The following ACSBG1 variants were observed in gnomAD, a reference collection of about 807,000 sequenced individuals.
ACSBG1 encodes the protein long-chain-fatty-acid--CoA ligase ACSBG1.
A neutral mutation model predicts 80.2 loss-of-function variants in ACSBG1; 39 were observed. The ratio of observed to expected loss-of-function variants is 0.49; its 90% CI spans 0.38 to 0.64. The LOEUF (loss-of-function observed/expected upper bound fraction) is 0.64. Ranked by LOEUF, ACSBG1 falls within the 30% of genes least tolerant of loss-of-function variation. ACSBG1 has a pLI of 0.00. For missense variants in ACSBG1, 828 were observed against 966.4 expected (o/e 0.86, Z 1.90); for synonymous variants, 392 against 379.5 (o/e 1.03, Z -0.38).
chr15:78,171,119 G>A lies in ACSBG1; in HGVS notation c.*325C>T. On this transcript the variant is annotated 3_prime_UTR_variant, in exon 14 of 14. Transcript: ENST00000258873. The stretch of plus-strand genomic sequence containing the variant: ...GCCTACTGCTGGCTGTCCTGTATGT[G>A]AGCTAGCAGCTTTTTAATCTACCTG... The A allele has an allele frequency of 4.8e-6, 1 of 210,264 alleles. No individual in the cohort carries two copies. Among genetic ancestry groups the A allele is most frequent in the Non-Finnish European group, 9.7e-6 (1 of 103,530 alleles). The allele number at this position is 210,264 out of a possible 1,614,324, so 13.0% of individuals were successfully genotyped here.
intron 3 of ACSBG1, 143 bp from the exon 4 acceptor site, chr15:78,194,163 G>A (rs1266930096): frequency 2.5e-6 from 2 of 799,238 alleles, no homozygotes; most frequent in African/African-American, 3.4e-5. Flanking sequence ...CCCCTTGGAG[G>A]AGAAGGGGTT....
rs146137758 is a variant in ACSBG1 at position 78,186,227 on chromosome 15, T to C, written c.664-3442A>G. ...GGCTTAGACTCCCACACAATAATAA[T>C]GGGAGACTTTAACACCCCATTGTCA... is the stretch of plus-strand genomic sequence containing the variant. On this transcript the variant is annotated intron_variant, in intron 5 of 13. Coordinates refer to ENST00000258873, the MANE Select transcript of ACSBG1 (RefSeq NM_015162.5). 1.4e-4 allele frequency among the ~76,000 whole-genome samples: 22 copies of C among 152,308 alleles called. 1 individual carries two copies. The East Asian group carries it at 3.5e-3, about 24-fold the overall frequency.
chr15:78,220,878 T>C (rs2075354510), intron 1 of ACSBG1, among the ~76,000 whole-genome samples: 1 of 152,214 alleles, frequency 6.6e-6, no homozygotes. Context: ...TGCAGATACT[T>C]TGGAATACCA....
At chr15:78,223,471 G>T (rs1595905195) in intron 1 of ACSBG1, among the ~76,000 whole-genome samples, 1 of 152,132 alleles carries the variant, frequency 6.6e-6, no homozygotes, top group East Asian at 1.9e-4. Flanking sequence ...AGACACGAAG[G>T]GCCCAGCTAT....
chr15:78,191,345 A>G (rs2075055326), intron 5 of ACSBG1, among the ~76,000 whole-genome samples: 1 of 152,266 alleles, frequency 6.6e-6, no homozygotes, highest in South Asian at 2.1e-4. Flanking sequence ...AGTATTTGAT[A>G]GAGCAAGAAG....
intron 1 of ACSBG1, among the ~76,000 whole-genome samples, chr15:78,232,139 T>G (rs2075451741): frequency 6.6e-6 from 1 of 152,246 alleles, no homozygotes; most frequent in Non-Finnish European, 1.5e-5. Flanking sequence ...GTAACTCTTA[T>G]GCTTTGAAAA....
chr15:78,215,774 GAAAGAA>G (rs2075306703), intron 1 of ACSBG1, among the ~76,000 whole-genome samples: 1 of 146,504 alleles, frequency 6.8e-6, no homozygotes, highest in Non-Finnish European at 1.5e-5. Flanking sequence ...AAGAAAGAAA[GAAAGAA>G]AGAAAGAGAA....
At chr15:78,194,864 T>G (rs1056938907) in intron 2 of ACSBG1, 138 bp from the exon 3 acceptor site, 5 of 740,950 alleles carry the variant, frequency 6.7e-6, no homozygotes, top group Non-Finnish European at 1.1e-5. Flanking sequence ...CAGGGTAGAC[T>G]GGGGTAGACT....
In ACSBG1 at chr15:78,171,388, A is replaced by G. The variant is rs1412078875; in HGVS notation, c.*56T>C. On this transcript the variant is annotated 3_prime_UTR_variant, in exon 14 of 14. Coordinates refer to ENST00000258873, the MANE Select transcript of ACSBG1 (RefSeq NM_015162.5). The stretch of plus-strand genomic sequence containing the variant: ...AGACTGAAGAGACCTGGGGCTCAGG[A>G]AGAGGCTCGGAACGCCTGCCCTCTA... 6.8e-7 allele frequency: 1 copy of G among 1,467,156 alleles called. No individual in the cohort carries two copies. Among genetic ancestry groups the G allele is most frequent in the Non-Finnish European group, 9.5e-7 (1 of 1,052,512 alleles). The allele number at this position is 1,467,156 out of a possible 1,614,324, so 90.9% of individuals were successfully genotyped here.
intron 1 of ACSBG1, among the ~76,000 whole-genome samples, chr15:78,218,318 T>A (rs1165634520): frequency 3.3e-5 from 5 of 152,018 alleles, no homozygotes; most frequent in Non-Finnish European, 7.4e-5. Flanking sequence ...CTTCTGCCAG[T>A]GGAGGCATTG....
chr15:78,185,004 CAGAG>C (rs2074984401), intron 5 of ACSBG1, among the ~76,000 whole-genome samples: 1 of 141,580 alleles, frequency 7.1e-6, no homozygotes, highest in Admixed American at 7.4e-5. Context: ...GAGAGACAGA[CAGAG>C]GGAGAGAGAG....
Position 78,182,436 on chromosome 15 carries a change from C to A in ACSBG1, c.894+30G>T, listed in dbSNP as rs541886543. On this transcript the variant is annotated intron_variant, in intron 7 of 13. Coordinates refer to ENST00000258873, the MANE Select transcript of ACSBG1 (RefSeq NM_015162.5). ...AGATCCACCCATAACCCCCTTGCAC[C>A]CCCCCCACCCCACCGGGCATCTGTC... is the stretch of plus-strand genomic sequence containing the variant. The A allele has an allele frequency of 2.6e-6, 4 of 1,519,270 alleles. No homozygotes were observed. In the Admixed American group the frequency reaches 5.7e-5, roughly 22 times the overall value. 94.1% of individuals were successfully genotyped at this position (1,519,270 alleles called of 1,614,324 possible). A position where few individuals can be genotyped will look rare whatever the true frequency, so the allele number is the denominator to read the frequency against.
chr15:78,203,769 T>A (rs983895220), intron 2 of ACSBG1, among the ~76,000 whole-genome samples: 2 of 152,160 alleles, frequency 1.3e-5, no homozygotes, highest in African/African-American at 4.8e-5. Context: ...GAAAGTAGCT[T>A]CTTGTGCAGA....
chr15:78,193,791 T>C (rs2075081729), intron 4 of ACSBG1, 141 bp downstream of exon 4: 1 of 1,419,124 alleles, frequency 7.0e-7, no homozygotes, highest in Non-Finnish European at 9.5e-7. Context: ...GGGCGCCAGA[T>C]GCAGGTCCAC....
At chr15:78,219,225 C>T (rs1297162584) in intron 1 of ACSBG1, among the ~76,000 whole-genome samples, 1 of 152,090 alleles carries the variant, frequency 6.6e-6, no homozygotes, top group Non-Finnish European at 1.5e-5. Context: ...AAGCAATCGA[C>T]TGGAATTGCT....
intron 1 of ACSBG1, among the ~76,000 whole-genome samples, chr15:78,229,074 CTTTTT>C (rs3973561): frequency 2.0e-5 from 3 of 146,864 alleles, no homozygotes; most frequent in African/African-American, 7.5e-5. Flanking sequence ...ATTATATTCC[CTTTTT>C]TTTTTTTTAT....
chr15:78,209,149 T>C, intron 1 of ACSBG1: 1 of 455,942 alleles, frequency 2.2e-6, no homozygotes, highest in East Asian at 7.0e-5. Flanking sequence ...AATTACCTGC[T>C]TCTCACATTC....
At chr15:78,206,037 A>C (rs1000884976) in intron 2 of ACSBG1, among the ~76,000 whole-genome samples, 1 of 150,056 alleles carries the variant, frequency 6.7e-6, no homozygotes, top group African/African-American at 2.4e-5. Context: ...CCCCAAGGAC[A>C]CCAGGGCTGC....
At chr15:78,208,978 G>A (rs1177647857) in intron 1 of ACSBG1, among the ~76,000 whole-genome samples, 41 of 152,232 alleles carry the variant, frequency 2.7e-4, no homozygotes, top group Non-Finnish European at 8.8e-5. Flanking sequence ...ACATTTCACA[G>A]TCAACAACTA....
Sources: gnomAD v4.1 joint callset for allele counts (sites outside exome capture counted in the v4.1 genomes callset) on GRCh38, gnomAD v4.1.1 for gene constraint, MANE v1.5 for transcripts, NCBI Gene and HGNC (gene_info 2026-07-23, HGNC 2026-07-21) for gene names.